Variants in SCAPER observed in about 807,000 individuals in gnomAD.
The protein encoded by SCAPER is S phase cyclin A-associated protein in the endoplasmic reticulum.
A neutral mutation model predicts 182.2 loss-of-function variants in SCAPER; 98 were observed. That is an observed-to-expected ratio of 0.54 (90% CI 0.46 to 0.64). The LOEUF is 0.64. SCAPER is among the 30% of genes least tolerant of loss of function. The pLI is 0.00. For synonymous variants in SCAPER, 605 were observed against 564.6 expected (o/e 1.07, Z -1.01); for missense variants, 1,432 against 1,690.0 (o/e 0.85, Z 2.68).
At chr15:76,464,186 C>T (rs141030254) in intron 25 of SCAPER, among the ~76,000 whole-genome samples, 1 of 152,018 alleles carries the variant, frequency 6.6e-6, no homozygotes, top group Admixed American at 6.6e-5. Context: ...TCCCCTTGGT[C>T]CCTGGCAACC....
rs559479013 is a variant in SCAPER, at chr15:76,767,710, G to T, written c.1249-622C>A. Among the ~76,000 whole-genome samples, 17 of 152,128 alleles carry T rather than the reference G, an allele frequency of 1.1e-4. No homozygotes were observed. In the South Asian group the frequency reaches 3.5e-3, roughly 32 times the overall value. On this transcript the variant is annotated intron_variant, in intron 10 of 31. Coordinates refer to ENST00000563290, the MANE Select transcript of SCAPER (RefSeq NM_020843.4). ...ATGAAATTATTAAAAAATTAAAAAT[G>T]GAAGGAAGAACACAAGTCAGAGAAA...
chr15:76,622,641 G>A (rs1299756096), intron 21 of SCAPER, among the ~76,000 whole-genome samples: 1 of 152,048 alleles, frequency 6.6e-6, no homozygotes, highest in Non-Finnish European at 1.5e-5. Context: ...TAAACATTTT[G>A]CATGTCAAAA....
chr15:76,856,314 G>T (rs1281329538), intron 4 of SCAPER, among the ~76,000 whole-genome samples: 1 of 151,904 alleles, frequency 6.6e-6, no homozygotes, highest in African/African-American at 2.4e-5. Flanking sequence ...TTGGGTACTA[G>T]GCTTCATACC....
intron 20 of SCAPER, among the ~76,000 whole-genome samples, chr15:76,666,297 G>A (rs1248382394): frequency 6.6e-6 from 1 of 152,148 alleles, no homozygotes; most frequent in Admixed American, 6.6e-5. Flanking sequence ...GAGGCTGCAG[G>A]AAGGAAAAAG....
intron 20 of SCAPER, among the ~76,000 whole-genome samples, chr15:76,685,403 T>C (rs150992094): frequency 6.5e-4 from 99 of 152,094 alleles, no homozygotes; most frequent in African/African-American, 2.2e-3. Context: ...ATTATTTACA[T>C]AGAAACCTCA....
rs527892397 is a variant in SCAPER, at chr15:76,875,926, G to C, written c.6+7886C>G. Reference sequence around the variant, plus strand: ...GCCGCGCAGGACCCCACGGTGGGGGGCGGGGTCAGGCTCAGGCATGGCGGG... The same window carrying C: ...GCCGCGCAGGACCCCACGGTGGGGGCCGGGGTCAGGCTCAGGCATGGCGGG... On this transcript the variant is annotated intron_variant, in intron 2 of 31. Coordinates refer to ENST00000563290, the MANE Select transcript of SCAPER (RefSeq NM_020843.4). Among the ~76,000 whole-genome samples the C allele has an allele frequency of 2.6e-5, 4 of 151,562 alleles. No individual in the cohort carries two copies. The South Asian group carries it at 6.4e-4, about 24-fold the overall frequency.
intron 21 of SCAPER, among the ~76,000 whole-genome samples, chr15:76,634,340 G>T (rs975638907): frequency 2.6e-5 from 4 of 152,008 alleles, no homozygotes; most frequent in Admixed American, 6.6e-5. Context: ...GAGAATCTTG[G>T]TACTTCAATT....
chr15:76,480,908 T>A (rs1178559990), intron 24 of SCAPER, among the ~76,000 whole-genome samples: 1 of 152,092 alleles, frequency 6.6e-6, no homozygotes, highest in Non-Finnish European at 1.5e-5. Context: ...TTTTTTTGTA[T>A]TTTTAGTAGA....
At position 76,673,623 on chromosome 15, in the gene SCAPER, G is replaced by A. The variant is rs191676821; in HGVS notation, c.2509-7834C>T. ...GCTGAACAGACACACACATATACACGTATTTCATTTCTTCATTTCCTAATT... is the reference window on the plus strand; with the variant it reads ...GCTGAACAGACACACACATATACACATATTTCATTTCTTCATTTCCTAATT... On this transcript the variant is annotated intron_variant, in intron 20 of 31. Transcript: ENST00000563290. 1.1e-3 allele frequency among the ~76,000 whole-genome samples: 167 copies of A among 152,082 alleles called. 1 individual carries two copies. Among genetic ancestry groups the A allele is most frequent in the Middle Eastern group, 3.4e-3 (1 of 294 alleles).
chr15:76,745,740 G>C (rs912229698), intron 15 of SCAPER, among the ~76,000 whole-genome samples: 6 of 152,098 alleles, frequency 3.9e-5, no homozygotes, highest in Non-Finnish European at 8.8e-5. Flanking sequence ...AAATCATATT[G>C]AAAGTAAGTA....
intron 23 of SCAPER, among the ~76,000 whole-genome samples, chr15:76,570,860 A>G (rs1346970535): frequency 6.6e-6 from 1 of 152,036 alleles, no homozygotes; most frequent in East Asian, 1.9e-4. Context: ...CCAATTCACC[A>G]TCTGAAATAA....
In SCAPER at chr15:76,436,171, A is replaced by T. The variant is rs138932947; in HGVS notation, c.3079-1861T>A. On this transcript the variant is annotated intron_variant, in intron 25 of 31. Coordinates refer to ENST00000563290, the MANE Select transcript of SCAPER (RefSeq NM_020843.4). ...CAACCTCTGCCTCTTGGGTTCAAGC[A>T]ATTCTCCTGCCTCAGCCTCCTGAGT... Among the ~76,000 whole-genome samples the T allele has an allele frequency of 1.4e-3, 206 of 152,128 alleles. 4 individuals carry two copies. In the East Asian group the frequency reaches 0.036, roughly 27 times the overall value.
chr15:76,517,967 T>C (rs1219980672), intron 23 of SCAPER, among the ~76,000 whole-genome samples: 1 of 152,050 alleles, frequency 6.6e-6, no homozygotes, highest in East Asian at 1.9e-4. Context: ...AGTTTGACTA[T>C]CACAAGTAAA....
At chr15:76,668,056 T>G (rs1386348186) in intron 20 of SCAPER, among the ~76,000 whole-genome samples, 1 of 152,146 alleles carries the variant, frequency 6.6e-6, no homozygotes, top group African/African-American at 2.4e-5. Context: ...ACAACAAAAC[T>G]CTTATGTTCT....
chr15:76,507,243 A>C (rs1276957578), intron 23 of SCAPER, among the ~76,000 whole-genome samples: 1 of 152,206 alleles, frequency 6.6e-6, no homozygotes, highest in Admixed American at 6.6e-5. Context: ...TTACACCTGC[A>C]CAGTCAAGAA....
chr15:76,504,562 T>A (rs1338830217), intron 24 of SCAPER, among the ~76,000 whole-genome samples: 3 of 152,232 alleles, frequency 2.0e-5, no homozygotes, highest in Non-Finnish European at 4.4e-5. Context: ...CTATTATTTA[T>A]TTTGCTCAAT....
At chr15:76,834,570 G>A (rs908951988) in intron 5 of SCAPER, among the ~76,000 whole-genome samples, 3 of 151,958 alleles carry the variant, frequency 2.0e-5, no homozygotes, top group African/African-American at 7.3e-5. Context: ...GAGCTGAACT[G>A]AACAACATTG....
At chr15:76,525,457 G>T (rs1261423777) in intron 23 of SCAPER, among the ~76,000 whole-genome samples, 1 of 152,054 alleles carries the variant, frequency 6.6e-6, no homozygotes, top group Admixed American at 6.6e-5. Context: ...TGATGCTGAG[G>T]TTGAGCCCAT....
intron 25 of SCAPER, among the ~76,000 whole-genome samples, chr15:76,448,723 C>G (rs532702690): frequency 1.3e-5 from 2 of 152,080 alleles, no homozygotes; most frequent in South Asian, 4.2e-4. Flanking sequence ...TTCTACAAAC[C>G]AAAGGAGGGG....
Sources: gnomAD v4.1 joint callset for allele counts (sites outside exome capture counted in the v4.1 genomes callset) on GRCh38, gnomAD v4.1.1 for gene constraint, MANE v1.5 for transcripts, NCBI Gene and HGNC (gene_info 2026-07-23, HGNC 2026-07-21) for gene names.